SNX30: variants seen among roughly 807,000 people sequenced by gnomAD.
The protein encoded by SNX30 is sorting nexin-30.
SNX30 carries 24 observed loss-of-function variants against 46.4 expected under a neutral mutation model. The ratio of observed to expected loss-of-function variants is 0.52; its 90% confidence interval spans 0.37 to 0.73. The LOEUF is 0.73. Among genes scored for constraint, SNX30 ranks in the 30% least tolerant of loss-of-function variants. The pLI is 0.00. For synonymous variants in SNX30, 189 were observed against 211.5 expected (o/e 0.89, Z 0.92); for missense variants, 533 against 555.7 (o/e 0.96, Z 0.41).
chr9:112,838,144 C>T (rs1428057316), intron 5 of SNX30, among the ~76,000 whole-genome samples: 1 of 152,022 alleles, frequency 6.6e-6, no homozygotes, highest in Non-Finnish European at 1.5e-5. Flanking sequence ...CCCACCTTGG[C>T]CTCCTAAAGT....
At chr9:112,865,661 A>ATGTGTGTGTGTGTGTGTGTG (rs1277699270) in intron 8 of SNX30, among the ~76,000 whole-genome samples, 5 of 105,702 alleles carry the variant, frequency 4.7e-5, no homozygotes, top group Admixed American at 9.5e-5. Flanking sequence ...ATATATATAT[A>ATGTGTGTGTGTGTGTGTGTG]TGTATGTATG....
intron 8 of SNX30, among the ~76,000 whole-genome samples, chr9:112,865,537 G>C (rs1314719352): frequency 2.7e-5 from 4 of 150,676 alleles, no homozygotes; most frequent in Non-Finnish European, 4.4e-5. Flanking sequence ...AGGATGGCTT[G>C]AGCCAGGAGT....
intron 6 of SNX30, among the ~76,000 whole-genome samples, chr9:112,839,237 A>G (rs1213486449): frequency 6.6e-6 from 1 of 152,234 alleles, no homozygotes; most frequent in Non-Finnish European, 1.5e-5. Context: ...AAAAGAAATA[A>G]TACAAGAAAG....
At chr9:112,859,225 G>C (rs146444230) in intron 7 of SNX30, among the ~76,000 whole-genome samples, 49 of 152,084 alleles carry the variant, frequency 3.2e-4, no homozygotes, top group African/African-American at 9.9e-4. Flanking sequence ...TAATGTCCTT[G>C]GTTTATCCAT....
intron 5 of SNX30, 112 bp from the exon 6 acceptor site, chr9:112,838,386 C>A: frequency 1.2e-6 from 1 of 862,664 alleles, no homozygotes; most frequent in Non-Finnish European, 1.8e-6. Context: ...GAGTGAATGG[C>A]CAAAGAAACA....
At chr9:112,805,070 G>T in intron 2 of SNX30, 103 bp downstream of exon 2, 1 of 757,570 alleles carries the variant, frequency 1.3e-6, no homozygotes, top group Non-Finnish European at 2.0e-6. Context: ...GTACAACTCT[G>T]TTCACCTTGA....
At chr9:112,756,098 G>A (rs1016258895) in intron 1 of SNX30, among the ~76,000 whole-genome samples, 3 of 152,122 alleles carry the variant, frequency 2.0e-5, no homozygotes, top group African/African-American at 7.2e-5. Context: ...ACAGTTTAAA[G>A]ACTAATAAAA....
chr9:112,822,096 T>C (rs1327901726), intron 3 of SNX30, among the ~76,000 whole-genome samples: 1 of 152,014 alleles, frequency 6.6e-6, no homozygotes, highest in Non-Finnish European at 1.5e-5. Context: ...CTTTTTTTGG[T>C]AGAGACAGAG....
chr9:112,797,724 T>TTTTTG (rs796859174), intron 1 of SNX30, among the ~76,000 whole-genome samples: 51 of 148,364 alleles, frequency 3.4e-4, no homozygotes, highest in African/African-American at 1.1e-3. Context: ...TTTTTTTTTT[T>TTTTTG]TTTGAGATGG....
chr9:112,880,985 T>C (rs76294543), intron 5 of SNX30, among the ~76,000 whole-genome samples: 1,860 of 152,334 alleles, frequency 0.012, 31 homozygotes, highest in African/African-American at 0.043. Context: ...CACTTCTGCC[T>C]GAGGATGAAC....
intron 7 of SNX30, among the ~76,000 whole-genome samples, chr9:112,858,502 AAG>A (rs1437864604): frequency 6.6e-6 from 1 of 152,214 alleles, no homozygotes; most frequent in Non-Finnish European, 1.5e-5. Flanking sequence ...GAAACAGAGC[AAG>A]ACCTGTCTCA....
chr9:112,763,260 C>T (rs1839473542), intron 1 of SNX30, among the ~76,000 whole-genome samples: 1 of 151,818 alleles, frequency 6.6e-6, no homozygotes, highest in Non-Finnish European at 1.5e-5. Flanking sequence ...TCAAAATCCT[C>T]CTGAGCTTAA....
chr9:112,829,981 C>T (rs763608386), intron 3 of SNX30, among the ~76,000 whole-genome samples: 9 of 152,020 alleles, frequency 5.9e-5, no homozygotes, highest in Non-Finnish European at 1.3e-4. Flanking sequence ...AAAACATGTG[C>T]ATAGCAGATA....
chr9:112,839,697 C>T (rs1424985304), intron 6 of SNX30, among the ~76,000 whole-genome samples: 1 of 152,148 alleles, frequency 6.6e-6, no homozygotes, highest in Non-Finnish European at 1.5e-5. Flanking sequence ...TGAACATTCC[C>T]ACCTCTAAAT....
intron 1 of SNX30, among the ~76,000 whole-genome samples, chr9:112,775,335 A>C (rs1026034147): frequency 6.6e-6 from 1 of 151,052 alleles, no homozygotes; most frequent in African/African-American, 2.4e-5. Flanking sequence ...TTGTCTTTTT[A>C]GTAGAGATGG....
intron 2 of SNX30, among the ~76,000 whole-genome samples, chr9:112,816,083 T>C (rs1411862777): frequency 6.6e-6 from 1 of 152,084 alleles, no homozygotes; most frequent in Non-Finnish European, 1.5e-5. Flanking sequence ...GGGCTCAAGC[T>C]AATCCTTCCT....
intron 7 of SNX30, among the ~76,000 whole-genome samples, chr9:112,858,704 T>G (rs1180563992): frequency 6.6e-6 from 1 of 152,136 alleles, no homozygotes; most frequent in Non-Finnish European, 1.5e-5. Flanking sequence ...CAGTTCCTCT[T>G]TTTAATTCTT....
At chr9:112,879,114 T>G (rs915090425), downstream of SNX30, 3 of 152,244 alleles carry the variant, frequency 2.0e-5, no homozygotes, top group Admixed American at 1.3e-4. Flanking sequence ...GACATTTGCT[T>G]CTTAAAAGCA....
chr9:112,841,276 C>T (rs949240310), intron 6 of SNX30, among the ~76,000 whole-genome samples: 3 of 152,096 alleles, frequency 2.0e-5, no homozygotes, highest in Admixed American at 6.5e-5. Context: ...ATTTGAAGCA[C>T]GATTTAAAAA....
Sources: gnomAD v4.1 joint callset for allele counts (sites outside exome capture counted in the v4.1 genomes callset) on GRCh38, gnomAD v4.1.1 for gene constraint, MANE v1.5 for transcripts, NCBI Gene and HGNC (gene_info 2026-07-23, HGNC 2026-07-21) for gene names.